KIF13A: variants seen among roughly 807,000 people sequenced by gnomAD.
KIF13A encodes kinesin-like protein KIF13A.
A neutral mutation model predicts 212.2 loss-of-function variants in KIF13A; 79 were observed. That is an observed-to-expected ratio of 0.37 (90% CI 0.31 to 0.45). The LOEUF is 0.45. KIF13A is among the 20% of genes least tolerant of loss of function. KIF13A has a pLI of 1.00. For synonymous variants in KIF13A, 789 were observed against 808.6 expected (o/e 0.98, Z 0.41); for missense variants, 1,901 against 2,209.0 (o/e 0.86, Z 2.79).
chr6:17,957,833 A>G (rs1006614125), intron 2 of KIF13A, among the ~76,000 whole-genome samples: 7 of 152,194 alleles, frequency 4.6e-5, no homozygotes, highest in Non-Finnish European at 8.8e-5. Context: ...GGCTTATCAC[A>G]ATATTTAAAG....
rs1258467758 is a variant in KIF13A, at chr6:17,895,079, T to C, written c.159+3089A>G. 6.6e-6 allele frequency among the ~76,000 whole-genome samples: 1 copy of C among 152,238 alleles called. No homozygotes were observed. Among genetic ancestry groups the C allele is most frequent in the African/African-American group, 2.4e-5 (1 of 41,468 alleles). On this transcript the variant is annotated intron_variant, in intron 3 of 38. Transcript: ENST00000259711. This position sits in a 1 kb window ranked among gnomAD's most constrained non-coding sequence, Gnocchi z 4.4. ...TGCACTAAATTCTTAATTTCGGTTT[T>C]GGGTTTTTCAGATTGAGGATTTATT...
In KIF13A at chr6:17,961,165, G is replaced by A. The variant is rs1028379394; in HGVS notation, c.146+25889C>T. On this transcript the variant is annotated intron_variant, in intron 2 of 38. Transcript: ENST00000259711. The surrounding 1 kb of genome is among the most constrained non-coding windows in gnomAD (Gnocchi z 4.1). Reference sequence around the variant, plus strand: ...AGGAACCAATGAATGTGAGTTTGCAGAGAGGAGGCTAAAAGAGCACTTCAA... The same window carrying A: ...AGGAACCAATGAATGTGAGTTTGCAAAGAGGAGGCTAAAAGAGCACTTCAA... 2.6e-5 allele frequency among the ~76,000 whole-genome samples: 4 copies of A among 152,216 alleles called. No homozygotes were observed. Among genetic ancestry groups the A allele is most frequent in the Non-Finnish European group, 4.4e-5 (3 of 68,040 alleles).
chr6:17,954,644 A>G (rs1778189424), intron 2 of KIF13A, among the ~76,000 whole-genome samples: 1 of 152,154 alleles, frequency 6.6e-6, no homozygotes, highest in African/African-American at 2.4e-5. Context: ...ATTGTCTATT[A>G]CATGCATTTT....
At chr6:17,939,221 CAAT>C (rs1776743911) in intron 2 of KIF13A, among the ~76,000 whole-genome samples, 1 of 152,198 alleles carries the variant, frequency 6.6e-6, no homozygotes, top group Non-Finnish European at 1.5e-5. Context: ...CTATAAACAA[CAAT>C]GCCTGCAAGG....
intron 16 of KIF13A, among the ~76,000 whole-genome samples, chr6:17,824,227 A>G (rs1348040623): frequency 6.6e-6 from 1 of 152,114 alleles, no homozygotes; most frequent in Non-Finnish European, 1.5e-5. Context: ...CATTTTTATA[A>G]TTAAAAAAAG....
At chr6:17,759,646 A>G (rs569473547), downstream of KIF13A, 1 of 152,364 alleles carries the variant, frequency 6.6e-6, no homozygotes, top group East Asian at 1.9e-4. Context: ...CATTTGTAGG[A>G]GAATTTTACA....
rs999851895 is a variant in KIF13A, at chr6:17,951,411, G to A, written c.146+35643C>T. 1.7e-6 allele frequency: 1 copy of A among 594,614 alleles called. No homozygotes were observed. Among genetic ancestry groups the A allele is most frequent in the African/African-American group, 1.9e-5 (1 of 51,882 alleles). The allele number at this position is 594,614 out of a possible 1,614,324, so 36.8% of individuals were successfully genotyped here. A position where few individuals can be genotyped will look rare whatever the true frequency, so the allele number is the denominator to read the frequency against. ...CTCCCAAAGTGCTGGAATTAGAGAT[G>A]TGAGCCACTGTGACCAGCCTCAATT... On this transcript the variant is annotated intron_variant, in intron 2 of 38. Transcript: ENST00000259711. The surrounding 1 kb of genome is among the most constrained non-coding windows in gnomAD (Gnocchi z 4.9).
chr6:17,860,482 T>C (rs964764648), intron 4 of KIF13A, among the ~76,000 whole-genome samples: 1 of 152,144 alleles, frequency 6.6e-6, no homozygotes, highest in African/African-American at 2.4e-5. Context: ...CCACTGTGCC[T>C]GGCTGGCACA....
chr6:17,800,117 G>T lies in KIF13A; in HGVS notation c.2455-4C>A, dbSNP rs569440783. Reference sequence around the variant, plus strand: ...CCACGTGGAGACGCCCTGCAACCTGGGTCAAGGAACCAGAGCACCTTAGAG... The same window carrying T: ...CCACGTGGAGACGCCCTGCAACCTGTGTCAAGGAACCAGAGCACCTTAGAG... On this transcript the variant is annotated splice_polypyrimidine_tract_variant and splice_region_variant and intron_variant, in intron 20 of 38. Transcript: ENST00000259711. 26 of 1,612,810 alleles carry T rather than the reference G, an allele frequency of 1.6e-5. No homozygotes were observed. The highest frequency in any genetic ancestry group is 3.3e-4 in the Middle Eastern group (2 of 6,050).
rs372328596 is a variant in KIF13A at position 17,833,223 on chromosome 6, A to G, written c.1266+738T>C. Among the ~76,000 whole-genome samples, 7 of 152,180 alleles carry G rather than the reference A, an allele frequency of 4.6e-5. No homozygotes were observed. The East Asian group carries it at 9.7e-4, about 21-fold the overall frequency. On this transcript the variant is annotated intron_variant, in intron 12 of 38. Coordinates refer to ENST00000259711, the MANE Select transcript of KIF13A (RefSeq NM_022113.6). ...AAGTGATCTTTGCTGGGCGAGGCAC[A>G]GTGGCTCATGCCTGTAACCCCAGCA...
At chr6:17,903,217 C>A (rs1773199532) in intron 2 of KIF13A, among the ~76,000 whole-genome samples, 1 of 152,164 alleles carries the variant, frequency 6.6e-6, no homozygotes, top group South Asian at 2.1e-4. Flanking sequence ...TTCTTTATGG[C>A]AGTACTTTTC....
At chr6:17,819,331 A>G (rs1764229703) in intron 16 of KIF13A, among the ~76,000 whole-genome samples, 1 of 152,160 alleles carries the variant, frequency 6.6e-6, no homozygotes, top group African/African-American at 2.4e-5. Flanking sequence ...CGGGAAGCTG[A>G]GGTGGGCGAT....
At chr6:17,882,721 C>T (rs1771189614) in intron 3 of KIF13A, among the ~76,000 whole-genome samples, 1 of 152,124 alleles carries the variant, frequency 6.6e-6, no homozygotes, top group Admixed American at 6.6e-5. Flanking sequence ...ACTACCACGC[C>T]TGGCTAATTT....
intron 9 of KIF13A, among the ~76,000 whole-genome samples, chr6:17,842,000 CGTGTGT>C (rs56396263): frequency 0.23 from 32,950 of 143,724 alleles, 3,817 homozygotes; most frequent in South Asian, 0.29. Flanking sequence ...TATACACATA[CGTGTGT>C]GTGTGTGTGT....
Position 17,829,804 on chromosome 6 carries a change from T to C in KIF13A, c.1401+1297A>G, listed in dbSNP as rs1466680605. On this transcript the variant is annotated intron_variant, in intron 13 of 38. Coordinates refer to ENST00000259711, the MANE Select transcript of KIF13A (RefSeq NM_022113.6). This position sits in a 1 kb window ranked among gnomAD's most constrained non-coding sequence, Gnocchi z 5.4. ...AACTCAGGGGCTATTTGTACCAAATTTACACCTCTAGGAAAAGTAGAAGGT... is the reference window on the plus strand; with the variant it reads ...AACTCAGGGGCTATTTGTACCAAATCTACACCTCTAGGAAAAGTAGAAGGT... Among the ~76,000 whole-genome samples, 2 of 152,102 alleles carry C rather than the reference T, an allele frequency of 1.3e-5. No individual in the cohort carries two copies. The highest frequency in any genetic ancestry group is 2.4e-5 in the African/African-American group (1 of 41,402).
chr6:17,929,778 G>A (rs1057404374), intron 2 of KIF13A, among the ~76,000 whole-genome samples: 5 of 152,148 alleles, frequency 3.3e-5, no homozygotes, highest in African/African-American at 1.2e-4. Flanking sequence ...CCGACCTCAA[G>A]TGATTCTCCT....
intron 3 of KIF13A, among the ~76,000 whole-genome samples, chr6:17,896,947 T>C (rs1772623708): frequency 6.6e-6 from 1 of 152,168 alleles, no homozygotes; most frequent in South Asian, 2.1e-4. Context: ...TACATTCCAG[T>C]AGAGACCAGT....
At chr6:17,904,943 T>C (rs1773366823) in intron 2 of KIF13A, among the ~76,000 whole-genome samples, 1 of 152,242 alleles carries the variant, frequency 6.6e-6, no homozygotes, top group African/African-American at 2.4e-5. Context: ...TAAGGACATA[T>C]TCCTTATTAT....
intron 2 of KIF13A, among the ~76,000 whole-genome samples, chr6:17,925,174 G>A (rs1342728772): frequency 6.6e-6 from 1 of 152,202 alleles, no homozygotes; most frequent in Non-Finnish European, 1.5e-5. Context: ...ACTGAGGCAA[G>A]CGCATGCCTG....
Sources: allele counts gnomAD v4.1 joint callset (sites outside exome capture counted in the v4.1 genomes callset), GRCh38; gene constraint gnomAD v4.1.1; non-coding constraint Gnocchi (gnomAD v3.1); transcripts MANE v1.5; gene names NCBI Gene and HGNC (gene_info 2026-07-23, HGNC 2026-07-21).